TRMT1L: variants seen among roughly 807,000 people sequenced by gnomAD.
The protein encoded by TRMT1L is tRNA methyltransferase 1L.
In TRMT1L, 28 loss-of-function variants were observed where a neutral mutation model predicts 81.6. The observed-to-expected ratio is 0.34, with a 90% CI of 0.25 to 0.47. The LOEUF (loss-of-function observed/expected upper bound fraction) is 0.47. TRMT1L is among the 20% of genes least tolerant of loss of function. The pLI is 1.00. For synonymous variants in TRMT1L, 301 were observed against 303.2 expected, an observed-to-expected ratio of 0.99 and a Z score of 0.07; for missense variants, 739 against 877.1, an observed-to-expected ratio of 0.84 and a Z score of 1.99.
At chr1:185,128,964 A>AT (rs1022043557) in intron 10 of TRMT1L, among the ~76,000 whole-genome samples, 1 of 152,070 alleles carries the variant, frequency 6.6e-6, no homozygotes. Context: ...ACATATATAT[A>AT]TTTTTTTAAT....
At position 185,147,283 on chromosome 1, in the gene TRMT1L, A is replaced by C. The variant is rs114803961; in HGVS notation, c.461-37T>G. The C allele has an allele frequency of 5.2e-4, 768 of 1,481,960 alleles. 4 individuals are homozygous for C. In the African/African-American group the frequency reaches 8.9e-3, roughly 17 times the overall value. The allele number at this position is 1,481,960 out of a possible 1,614,324, so 91.8% of individuals were successfully genotyped here. ...AATGGCTGGTTATCATACATTGTTC[A>C]TTAAATATTCAGTTATCAAAAATTA... On this transcript the variant is annotated intron_variant, in intron 3 of 14. Transcript: ENST00000367506.
chr1:185,138,631 T>A (rs937044550), intron 9 of TRMT1L, among the ~76,000 whole-genome samples: 4 of 152,230 alleles, frequency 2.6e-5, no homozygotes, highest in Non-Finnish European at 5.9e-5. Context: ...GTCATCCTTT[T>A]AAAAAATAAC....
chr1:185,151,198 A>C (rs934614554), intron 2 of TRMT1L, among the ~76,000 whole-genome samples: 5 of 152,200 alleles, frequency 3.3e-5, no homozygotes, highest in African/African-American at 1.2e-4. Flanking sequence ...AAGCAATAAA[A>C]TATACAGCAA....
chr1:185,126,761 T>C (rs945531231), intron 11 of TRMT1L, among the ~76,000 whole-genome samples: 1 of 152,176 alleles, frequency 6.6e-6, no homozygotes, highest in Non-Finnish European at 1.5e-5. Context: ...ATCCCAGCAC[T>C]TCGGGAGGCC....
In TRMT1L at chr1:185,151,904, A is replaced by G; in HGVS notation, c.267T>C (p.Ala89=). Reference sequence around the variant, plus strand: ...TTACAAAAGCTAAATTCTCTAGATCAGCAAGCTGCCTTTGAATTGAGATGT... The same window carrying G: ...TTACAAAAGCTAAATTCTCTAGATCGGCAAGCTGCCTTTGAATTGAGATGT... ...KRHISIQRQL[A]DLENLAFVTD... Residue 89 remains alanine, a synonymous_variant, in exon 2 of 15, where the codon GCT becomes GCC. Transcript: ENST00000367506. The G allele has an allele frequency of 1.2e-6, 2 of 1,603,900 alleles. No homozygotes were observed. Among genetic ancestry groups the G allele is most frequent in the African/African-American group, 2.7e-5 (2 of 74,218 alleles).
chr1:185,130,670 C>T (rs1194285123), intron 10 of TRMT1L, among the ~76,000 whole-genome samples: 2 of 152,182 alleles, frequency 1.3e-5, no homozygotes, highest in Admixed American at 6.5e-5. Context: ...CAGATCTTCT[C>T]TAATACAATC....
rs1265933216 is a variant in TRMT1L at position 185,120,337 on chromosome 1, T to C, written c.1949+46A>G. The C allele has an allele frequency of 2.7e-6, 4 of 1,456,954 alleles. No individual in the cohort carries two copies. In the African/African-American group the frequency reaches 5.8e-5, roughly 21 times the overall value. 90.3% of individuals were successfully genotyped at this position (1,456,954 alleles called of 1,614,324 possible). A position where few individuals can be genotyped will look rare whatever the true frequency, so the allele number is the denominator to read the frequency against. The stretch of plus-strand genomic sequence containing the variant: ...TATTTTTATTTAAATCACAATATTA[T>C]TAAAATATAAAATATATATACTTTG... On this transcript the variant is annotated intron_variant, in intron 14 of 14. Coordinates refer to ENST00000367506, the MANE Select transcript of TRMT1L (RefSeq NM_030934.5).
intron 7 of TRMT1L, 138 bp from the exon 8 acceptor site, chr1:185,140,360 T>G: frequency 1.3e-6 from 1 of 754,086 alleles, no homozygotes; most frequent in Middle Eastern, 4.0e-4. Flanking sequence ...TCCTTCTTAC[T>G]ACAAAGCTTC....
intron 4 of TRMT1L, among the ~76,000 whole-genome samples, 191 bp downstream of exon 4, chr1:185,146,991 A>G (rs929489859): frequency 1.3e-5 from 2 of 151,896 alleles, no homozygotes; most frequent in Non-Finnish European, 2.9e-5. Context: ...TAAAATGAGA[A>G]CTTCAATATA....
At position 185,120,477 on chromosome 1, in the gene TRMT1L, A is replaced by G; in HGVS notation, c.1855T>C (p.Leu619=). 3 of 1,597,002 alleles carry G rather than the reference A, an allele frequency of 1.9e-6. No homozygotes were observed. Among genetic ancestry groups the G allele is most frequent in the Non-Finnish European group, 8.5e-7 (1 of 1,174,414 alleles). Reference sequence around the variant, plus strand: ...ACATCAGTCTTTTGCTTCTTGCCTAAATTTGTGATCATTTCATTACTTTTT... The same window carrying G: ...ACATCAGTCTTTTGCTTCTTGCCTAGATTTGTGATCATTTCATTACTTTTT... ...KRKSNEMITN[L]GKKQKTDVST... The change falls in exon 14 of 15, where the codon TTA becomes CTA. Residue 619 remains leucine (L), a synonymous_variant. Coordinates refer to ENST00000367506, the MANE Select transcript of TRMT1L (RefSeq NM_030934.5).
chr1:185,121,041 C>T (rs1652488558), intron 13 of TRMT1L, among the ~76,000 whole-genome samples: 1 of 152,136 alleles, frequency 6.6e-6, no homozygotes, highest in African/African-American at 2.4e-5. Context: ...AGTTTGGACA[C>T]AGAAACTGAC....
chr1:185,148,416 T>C (rs1404478157), intron 3 of TRMT1L, among the ~76,000 whole-genome samples: 3 of 152,200 alleles, frequency 2.0e-5, no homozygotes, highest in South Asian at 2.1e-4. Flanking sequence ...TTCTTGGCTC[T>C]TTCTCTCACA....
intron 1 of TRMT1L, among the ~76,000 whole-genome samples, chr1:185,155,847 G>A (rs1165007949): frequency 6.6e-6 from 1 of 152,162 alleles, no homozygotes; most frequent in Non-Finnish European, 1.5e-5. Flanking sequence ...TATTTCTGAT[G>A]GAATGGAGTA....
Position 185,140,195 on chromosome 1 carries a change from T to A in TRMT1L, c.887A>T (p.His296Leu), listed in dbSNP as rs72741812. ...TGIMGLQWAK[H>L]LGNAVKVTIN... is the part of the protein sequence containing the mutation. ...TGTAACTTTGACTGCATTTCCAAGA[T>A]GTTTTGCCCACTGTAATCCCATTAT... The change falls in exon 8 of 15, where the codon CAT (histidine) becomes CTT (leucine). Residue 296 changes from histidine (H) to leucine (L), a missense_variant. Physicochemically the swap from His to Leu is moderately conservative, Grantham distance 99 (BLOSUM62 -3). Transcript: ENST00000367506. 735 of 1,613,702 alleles carry A rather than the reference T, an allele frequency of 4.6e-4. No homozygotes were observed. The highest frequency in any genetic ancestry group is 5.6e-4 in the Non-Finnish European group (664 of 1,179,820).
intron 7 of TRMT1L, among the ~76,000 whole-genome samples, chr1:185,141,135 T>C (rs562274474): frequency 2.0e-5 from 3 of 152,230 alleles, no homozygotes; most frequent in East Asian, 1.9e-4. Flanking sequence ...CCAGCCAACA[T>C]AGATTAGTAA....
intron 10 of TRMT1L, among the ~76,000 whole-genome samples, 164 bp from the exon 11 acceptor site, chr1:185,128,911 T>G (rs975103486): frequency 6.6e-6 from 1 of 152,176 alleles, no homozygotes; most frequent in Non-Finnish European, 1.5e-5. Context: ...TGTGTGCATA[T>G]GTATACGTAT....
At chr1:185,127,495 A>G (rs4549995) in intron 11 of TRMT1L, among the ~76,000 whole-genome samples, 75,613 of 151,768 alleles carry the variant, frequency 0.5, 19,994 homozygotes, top group African/African-American at 0.69. Context: ...GGTAGCTCAC[A>G]CCTGTAATCC....
intron 10 of TRMT1L, among the ~76,000 whole-genome samples, chr1:185,136,229 T>G (rs1652895138): frequency 6.6e-6 from 1 of 151,796 alleles, no homozygotes; most frequent in Non-Finnish European, 1.5e-5. Flanking sequence ...GCAAACATGG[T>G]GAAACCCCGT....
intron 10 of TRMT1L, among the ~76,000 whole-genome samples, chr1:185,130,966 A>G (rs954472820): frequency 6.6e-6 from 1 of 152,064 alleles, no homozygotes; most frequent in African/African-American, 2.4e-5. Flanking sequence ...GCAGACTGGT[A>G]TCTTCTTATC....
Sources: gnomAD v4.1 joint callset for allele counts (sites outside exome capture counted in the v4.1 genomes callset) on GRCh38, gnomAD v4.1.1 for gene constraint, MANE v1.5 for transcripts, NCBI Gene and HGNC (gene_info 2026-07-23, HGNC 2026-07-21) for gene names.